Variants in TICRR observed in about 807,000 individuals in gnomAD.
TICRR encodes TOPBP1 interacting checkpoint and replication regulator.
TICRR carries 132 observed loss-of-function variants against 178.1 expected under a neutral mutation model. The ratio of observed to expected loss-of-function variants is 0.74; its 90% confidence interval spans 0.64 to 0.86. The LOEUF is 0.86. Among genes scored for constraint, TICRR ranks in the 40% least tolerant of loss-of-function variants. The pLI is 0.00. For synonymous variants in TICRR, 991 were observed against 900.7 expected (o/e 1.10, Z -1.79); for missense variants, 2,587 against 2,334.3 (o/e 1.11, Z -2.23).
In TICRR at chr15:89,594,509, C is replaced by T. The variant is rs763072170; in HGVS notation, c.1636C>T (p.Arg546Cys). 4.0e-5 allele frequency: 65 copies of T among 1,612,924 alleles called. No individual in the cohort carries two copies. In the East Asian group the frequency reaches 1.2e-3, roughly 29 times the overall value. ...CLAELYQRKS[R>C]EESTIAHQED... ...TGCCGAGCTCTACCAGAGAAAATCT[C>T]GTGAAGAATCCACTATAGCTCATCA... The change falls in exon 6 of 22, where the codon CGT becomes TGT. Residue 546 changes from arginine (R) to cysteine (C), a missense_variant. Coordinates refer to ENST00000268138, the MANE Select transcript of TICRR (RefSeq NM_152259.4).
intron 1 of TICRR, among the ~76,000 whole-genome samples, chr15:89,577,738 A>G (rs893678289): frequency 2.7e-5 from 4 of 149,750 alleles, no homozygotes; most frequent in African/African-American, 4.9e-5. Context: ...CCTCCCAAGT[A>G]GCTGGGATTA....
chr15:89,576,377 T>C (rs1217504153), intron 1 of TICRR, 137 bp downstream of exon 1: 2 of 861,900 alleles, frequency 2.3e-6, no homozygotes, highest in East Asian at 2.8e-5. Flanking sequence ...AGGAAACAAA[T>C]AAATAGGAAC....
At chr15:89,603,353 G>A (rs1963126074) in intron 13 of TICRR, among the ~76,000 whole-genome samples, 1 of 152,146 alleles carries the variant, frequency 6.6e-6, no homozygotes, top group Non-Finnish European at 1.5e-5. Context: ...GAGGAGGGAG[G>A]ATAGTTTGAC....
intron 3 of TICRR, 87 bp from the exon 4 acceptor site, chr15:89,585,621 A>T (rs1962807349): frequency 1.1e-6 from 1 of 901,974 alleles, no homozygotes; most frequent in South Asian, 1.5e-5. Context: ...TAATTGGGAA[A>T]ATGGTTATTC....
At position 89,625,977 on chromosome 15, in the gene TICRR, T is replaced by C; in HGVS notation, c.5518T>C (p.Ser1840Pro). 6.2e-7 allele frequency: 1 copy of C among 1,604,680 alleles called. No individual in the cohort carries two copies. The highest frequency in any genetic ancestry group is 8.5e-7 in the Non-Finnish European group (1 of 1,176,030). The change falls in exon 21 of 22, where the codon TCT becomes CCT. Residue 1840 changes from serine to proline, a missense_variant. Physicochemically the swap from Ser to Pro is moderately conservative, Grantham distance 74. Coordinates refer to ENST00000268138, the MANE Select transcript of TICRR (RefSeq NM_152259.4). ...CAGCTGTGCCGTGCGGAGCTGCCTCTCTGCCAGTGCCCTCCAGGCTCTGAC... is the reference window on the plus strand; with the variant it reads ...CAGCTGTGCCGTGCGGAGCTGCCTCCCTGCCAGTGCCCTCCAGGCTCTGAC... ...PPSCAVRSCLSASALQALTQS... is the reference protein window; with the variant it reads ...PPSCAVRSCLPASALQALTQS...
intron 7 of TICRR, among the ~76,000 whole-genome samples, chr15:89,596,563 T>C (rs1056296729): frequency 1.3e-5 from 2 of 152,144 alleles, no homozygotes; most frequent in Admixed American, 1.3e-4. Context: ...GTCAGGCTGG[T>C]TTCGAACTCC....
At chr15:89,619,051 A>G (rs1963380703) in intron 17 of TICRR, among the ~76,000 whole-genome samples, 2 of 152,212 alleles carry the variant, frequency 1.3e-5, no homozygotes, top group African/African-American at 4.8e-5. Context: ...TATTGTGGAA[A>G]AAACAGGAAA....
rs1323583024 is a variant in TICRR, at chr15:89,623,731, T to A, written c.3421T>A (p.Ser1141Thr). Reference protein sequence around the residue: ...PLYTPERLQKSPAKMTPTKQA... With the variant: ...PLYTPERLQKTPAKMTPTKQA... ...GTATACTCCAGAAAGGCTGCAGAAGTCCCCTGCAAAAATGACCCCTACAAA... is the reference window on the plus strand; with the variant it reads ...GTATACTCCAGAAAGGCTGCAGAAGACCCCTGCAAAAATGACCCCTACAAA... The change falls in exon 20 of 22, where the codon TCC becomes ACC. Residue 1141 changes from serine to threonine, a missense_variant. Physicochemically the swap from Ser to Thr is moderately conservative, Grantham distance 58. Coordinates refer to ENST00000268138, the MANE Select transcript of TICRR (RefSeq NM_152259.4). The A allele has an allele frequency of 6.2e-7, 1 of 1,613,534 alleles. No homozygotes were observed. Among genetic ancestry groups the A allele is most frequent in the South Asian group, 1.1e-5 (1 of 91,020 alleles).
chr15:89,619,210 A>ACAC (rs964791172), intron 17 of TICRR, among the ~76,000 whole-genome samples: 1 of 143,532 alleles, frequency 7.0e-6, no homozygotes. Flanking sequence ...TTTTCGCCCT[A>ACAC]CACCATTCTT....
In TICRR at chr15:89,594,524, A is replaced by C; in HGVS notation, c.1651A>C (p.Ile551Leu). Residue 551 changes from isoleucine (I) to leucine (L), a missense_variant, in exon 6 of 22, where the codon ATA becomes CTA. By Grantham distance (5) the Ile-to-Leu change is conservative. Transcript: ENST00000268138. ...GAGAAAATCTCGTGAAGAATCCACT[A>C]TAGCTCATCAAGAAGACAGCAAAAA... ...YQRKSREEST[I>L]AHQEDSKKKR... 6.2e-7 allele frequency: 1 copy of C among 1,608,338 alleles called. No individual in the cohort carries two copies. Among genetic ancestry groups the C allele is most frequent in the Non-Finnish European group, 8.5e-7 (1 of 1,177,180 alleles).
Position 89,624,597 on chromosome 15 carries a change from C to G in TICRR, c.4287C>G (p.Leu1429=), listed in dbSNP as rs1259961455. ...GAGATGACCAGAAGGGACTGAGCCT[C>G]TCTCCTCAGTCTCCTCCTGAAAGAC... ...DSRDDQKGLS[L]SPQSPPERRG... The change falls in exon 20 of 22, where the codon CTC becomes CTG. Residue 1429 remains leucine, a synonymous_variant. Transcript: ENST00000268138. The G allele has an allele frequency of 6.2e-6, 10 of 1,613,876 alleles. No individual in the cohort carries two copies. Among genetic ancestry groups the G allele is most frequent in the East Asian group, 2.2e-5 (1 of 44,890 alleles).
chr15:89,587,254 G>C (rs1243776188), intron 4 of TICRR, among the ~76,000 whole-genome samples: 1 of 152,154 alleles, frequency 6.6e-6, no homozygotes, highest in Non-Finnish European at 1.5e-5. Context: ...CTGGGGTGGT[G>C]AGGACTGGAG....
chr15:89,607,008 A>G (rs1019020389), intron 14 of TICRR, among the ~76,000 whole-genome samples, 183 bp downstream of exon 14: 3 of 152,190 alleles, frequency 2.0e-5, no homozygotes, highest in African/African-American at 7.2e-5. Context: ...TGTATTTTAC[A>G]AAATAACTGG....
At chr15:89,605,281 T>A (rs1020092034) in intron 13 of TICRR, among the ~76,000 whole-genome samples, 2 of 152,258 alleles carry the variant, frequency 1.3e-5, no homozygotes, top group Non-Finnish European at 2.9e-5. Flanking sequence ...GTAAAAACTT[T>A]ATTTTCAAAA....
chr15:89,600,456 A>G, intron 8 of TICRR, 129 bp from the exon 9 acceptor site: 1 of 466,932 alleles, frequency 2.1e-6, no homozygotes, highest in South Asian at 5.0e-5. Flanking sequence ...TATTCACGTC[A>G]CTTTTTCATT....
chr15:89,618,276 T>A lies in TICRR; in HGVS notation c.3019+66T>A, dbSNP rs941689919. On this transcript the variant is annotated intron_variant, in intron 17 of 21. Transcript: ENST00000268138. ...GCTTCTATGAAAACCTTTCTGTATG[T>A]ATTGTTACTTGGCATATCCTAAGAT... 4 of 1,417,228 alleles carry A rather than the reference T, an allele frequency of 2.8e-6. No individual in the cohort carries two copies. The African/African-American group carries it at 5.7e-5, about 20-fold the overall frequency. The allele number at this position is 1,417,228 out of a possible 1,614,324, so 87.8% of individuals were successfully genotyped here. A position where few individuals can be genotyped will look rare whatever the true frequency, so the allele number is the denominator to read the frequency against.
Position 89,621,440 on chromosome 15 carries a change from C to T in TICRR, c.3202C>T (p.Leu1068Phe). ...PVQSIRSPKS[L>F]LFGAMSEMIS... ...CCAAAGTATTCGGTCTCCCAAGAGTCTTCTTTTTGGGGCAATGTCTGAGAT... is the reference window on the plus strand; with the variant it reads ...CCAAAGTATTCGGTCTCCCAAGAGTTTTCTTTTTGGGGCAATGTCTGAGAT... Residue 1068 changes from leucine (L) to phenylalanine (F), a missense_variant, in exon 19 of 22, where the codon CTT (leucine) becomes TTT (phenylalanine). Coordinates refer to ENST00000268138, the MANE Select transcript of TICRR (RefSeq NM_152259.4). The T allele has an allele frequency of 6.2e-7, 1 of 1,613,968 alleles. No individual in the cohort carries two copies. The highest frequency in any genetic ancestry group is 8.5e-7 in the Non-Finnish European group (1 of 1,179,948).
rs201156702 is a variant in TICRR at position 89,621,553 on chromosome 15, A to G, written c.3312+3A>G. On this transcript the variant is annotated splice_donor_region_variant and intron_variant, in intron 19 of 21. Coordinates refer to ENST00000268138, the MANE Select transcript of TICRR (RefSeq NM_152259.4). ...CGGAGGTACCTGCAGCTTACCAGGT[A>G]TAATGTTTCTGTAATGTTTGAAATA... The G allele has an allele frequency of 1.9e-5, 31 of 1,605,610 alleles. No homozygotes were observed. The Middle Eastern group carries it at 1.2e-3, about 60-fold the overall frequency.
At chr15:89,594,815 A>AT (rs1350846170) in intron 6 of TICRR, among the ~76,000 whole-genome samples, 1 of 151,990 alleles carries the variant, frequency 6.6e-6, no homozygotes, top group Non-Finnish European at 1.5e-5. Context: ...GCTTATTAGT[A>AT]TTTTTTCTTT....
Sources: allele counts gnomAD v4.1 joint callset (sites outside exome capture counted in the v4.1 genomes callset), GRCh38; gene constraint gnomAD v4.1.1; transcripts MANE v1.5; gene names NCBI Gene and HGNC (gene_info 2026-07-23, HGNC 2026-07-21).